Variants in GRAMD1B observed in about 807,000 individuals in gnomAD.
GRAMD1B encodes the protein protein Aster-B.
Under a neutral mutation model 99.7 loss-of-function variants are expected in GRAMD1B, and 37 were observed. The ratio of observed to expected loss-of-function variants is 0.37; its 90% CI spans 0.29 to 0.49. The LOEUF is 0.49. GRAMD1B is among the 20% of genes least tolerant of loss of function. The pLI, the probability that GRAMD1B is intolerant of heterozygous loss-of-function variation, is 0.98. For missense variants in GRAMD1B, 888 were observed against 1,009.2 expected, an observed-to-expected ratio of 0.88 and a Z score of 1.63; for synonymous variants, 427 against 387.6, an observed-to-expected ratio of 1.10 and a Z score of -1.19.
At chr11:123,468,381 G>T (rs193264866) in intron 1 of GRAMD1B, among the ~76,000 whole-genome samples, 7 of 152,176 alleles carry the variant, frequency 4.6e-5, no homozygotes, top group Non-Finnish European at 1.0e-4. Context: ...AGGCACTGTG[G>T]GTGGAAAAAA....
intron 1 of GRAMD1B, among the ~76,000 whole-genome samples, chr11:123,419,878 A>G (rs989825927): frequency 2.0e-5 from 3 of 152,094 alleles, no homozygotes; most frequent in African/African-American, 7.2e-5. Flanking sequence ...CTGTTCTTTG[A>G]GTTAAGCTGG....
chr11:123,560,072 C>CG (rs1003985864), intron 2 of GRAMD1B, among the ~76,000 whole-genome samples: 10 of 150,566 alleles, frequency 6.6e-5, no homozygotes, highest in East Asian at 1.9e-4. Flanking sequence ...ATAACCCCCC[C>CG]CCCCGCAGCC....
chr11:123,606,064 A>T (rs892205096), intron 10 of GRAMD1B, among the ~76,000 whole-genome samples: 1 of 151,946 alleles, frequency 6.6e-6, no homozygotes, highest in Admixed American at 6.6e-5. Context: ...TCAGGAAAGG[A>T]CTCCCTCAAA....
In GRAMD1B at chr11:123,529,070, C is replaced by T. The variant is rs553222379; in HGVS notation, c.452+48177C>T. 8.5e-5 allele frequency among the ~76,000 whole-genome samples: 13 copies of T among 152,228 alleles called. No homozygotes were observed. The South Asian group carries it at 2.1e-3, about 24-fold the overall frequency. On this transcript the variant is annotated intron_variant, in intron 2 of 19. Transcript: ENST00000635736. ...TGATCAAGTATTATTTTTGCAGCCC[C>T]GTTGTCTAGGCATTGTGAAGTTAAA...
chr11:123,600,601 C>T (rs1951828166), intron 8 of GRAMD1B, 53 bp downstream of exon 8: 1 of 1,102,588 alleles, frequency 9.1e-7, no homozygotes, highest in Non-Finnish European at 1.4e-6. Context: ...TCTAGAGAAG[C>T]CTTTGTCTCC....
At chr11:123,546,533 GA>G (rs1197205157) in intron 2 of GRAMD1B, among the ~76,000 whole-genome samples, 6 of 152,178 alleles carry the variant, frequency 3.9e-5, no homozygotes, top group African/African-American at 1.4e-4. Context: ...TGGAGGTTGG[GA>G]GAGATGGCCA....
At chr11:123,469,018 G>A (rs184120692) in intron 1 of GRAMD1B, among the ~76,000 whole-genome samples, 125 of 152,076 alleles carry the variant, frequency 8.2e-4, no homozygotes, top group African/African-American at 2.7e-3. Flanking sequence ...CATCAGCAGC[G>A]TAGGTGGAAG....
intron 19 of GRAMD1B, among the ~76,000 whole-genome samples, chr11:123,621,546 TGA>T (rs1221472196): frequency 2.6e-5 from 4 of 152,132 alleles, no homozygotes. Flanking sequence ...GTGTGCTGTG[TGA>T]GAGACCATGA....
intron 2 of GRAMD1B, among the ~76,000 whole-genome samples, chr11:123,488,166 A>C (rs2846321): frequency 0.51 from 78,035 of 151,996 alleles, 20,849 homozygotes; most frequent in African/African-American, 0.66. Context: ...CACTAATTAC[A>C]TTCATGAGGG....
intron 8 of GRAMD1B, 129 bp downstream of exon 8, chr11:123,600,677 A>G: frequency 1.7e-6 from 1 of 593,322 alleles, no homozygotes; most frequent in East Asian, 2.9e-5. Context: ...GAGTCCTGAA[A>G]GTAGCATATA....
At position 123,591,175 on chromosome 11, in the gene GRAMD1B, G is replaced by A. The variant is rs976828312; in HGVS notation, c.685-2907G>A. On this transcript the variant is annotated intron_variant, in intron 4 of 19. Coordinates refer to ENST00000635736, the MANE Select transcript of GRAMD1B (RefSeq NM_001387025.1). This position sits in a 1 kb window ranked among gnomAD's most constrained non-coding sequence, Gnocchi z 4.7. ...CTGGCCAGCTTGTCCTGAGAACCACGCTGACCACCTCGGCTCACTTGTGAA... is the reference window on the plus strand; with the variant it reads ...CTGGCCAGCTTGTCCTGAGAACCACACTGACCACCTCGGCTCACTTGTGAA... The A allele has an allele frequency of 4.6e-4, 166 of 362,132 alleles. No individual in the cohort carries two copies. Among genetic ancestry groups the A allele is most frequent in the African/African-American group, 3.0e-3 (143 of 47,980 alleles). 22.4% of individuals were successfully genotyped at this position (362,132 alleles called of 1,614,324 possible). A position where few individuals can be genotyped will look rare whatever the true frequency, so the allele number is the denominator to read the frequency against.
chr11:123,605,225 C>A, intron 9 of GRAMD1B, 97 bp from the exon 10 acceptor site: 2 of 801,608 alleles, frequency 2.5e-6, no homozygotes, highest in South Asian at 3.1e-5. Flanking sequence ...CAGGAAATCT[C>A]ATAGATATGG....
At chr11:123,472,703 G>A (rs1193380736) in intron 1 of GRAMD1B, among the ~76,000 whole-genome samples, 1 of 152,170 alleles carries the variant, frequency 6.6e-6, no homozygotes, top group Non-Finnish European at 1.5e-5. Context: ...CAGACTGGTT[G>A]GACCAGGTGT....
intron 17 of GRAMD1B, among the ~76,000 whole-genome samples, chr11:123,617,943 C>A (rs1194901028): frequency 6.6e-6 from 1 of 152,210 alleles, no homozygotes; most frequent in Non-Finnish European, 1.5e-5. Flanking sequence ...GAAACCTCAG[C>A]CTGTCTGCAT....
chr11:123,586,037 G>A (rs1277652588), intron 4 of GRAMD1B, among the ~76,000 whole-genome samples: 1 of 151,956 alleles, frequency 6.6e-6, no homozygotes, highest in Non-Finnish European at 1.5e-5. Flanking sequence ...TTCCCTCTCT[G>A]TCTGATTCTA....
In GRAMD1B at chr11:123,623,419, A is replaced by G; in HGVS notation, c.*824A>G. On this transcript the variant is annotated 3_prime_UTR_variant, in exon 20 of 20. Coordinates refer to ENST00000635736, the MANE Select transcript of GRAMD1B (RefSeq NM_001387025.1). ...TTGTTTCTCTGTGCCCTAAGAGCAC[A>G]TTGTTTATTAGCCAGGGTGGAGCGT... is the stretch of plus-strand genomic sequence containing the variant. The G allele has an allele frequency of 6.6e-6, 1 of 152,194 alleles. No individual in the cohort carries two copies. The allele number at this position is 152,194 out of a possible 1,614,324, so 9.4% of individuals were successfully genotyped here.
At chr11:123,570,649 C>T (rs930303718) in intron 2 of GRAMD1B, among the ~76,000 whole-genome samples, 2 of 152,056 alleles carry the variant, frequency 1.3e-5, no homozygotes, top group African/African-American at 2.4e-5. Context: ...GTCTCAAACT[C>T]CTGATCTCAA....
chr11:123,393,827 G>A (rs1341656226), intron 1 of GRAMD1B, among the ~76,000 whole-genome samples: 4 of 152,098 alleles, frequency 2.6e-5, no homozygotes, highest in African/African-American at 7.2e-5. Context: ...GGGTTTGCTG[G>A]GGCTGTCTCA....
chr11:123,441,889 G>GT (rs1410810624), intron 1 of GRAMD1B, among the ~76,000 whole-genome samples: 1 of 152,178 alleles, frequency 6.6e-6, no homozygotes, highest in Admixed American at 6.5e-5. Flanking sequence ...ATCTCCTGGT[G>GT]TTTTTTCTCA....
Sources: allele counts gnomAD v4.1 joint callset (sites outside exome capture counted in the v4.1 genomes callset), GRCh38; gene constraint gnomAD v4.1.1; non-coding constraint Gnocchi (gnomAD v3.1); transcripts MANE v1.5; gene names NCBI Gene and HGNC (gene_info 2026-07-23, HGNC 2026-07-21).